TSPEAR: variants seen among roughly 807,000 people sequenced by gnomAD.
TSPEAR encodes thrombospondin type laminin G domain and EAR repeats.
Under a neutral mutation model 71.6 loss-of-function variants are expected in TSPEAR, and 69 were observed. The observed-to-expected ratio is 0.96, with a 90% CI of 0.79 to 1.18. TSPEAR has a LOEUF of 1.18. Among genes scored for constraint, TSPEAR ranks in the 50% most tolerant of loss-of-function variants. TSPEAR has a pLI of 0.00. For synonymous variants in TSPEAR, 402 were observed against 387.2 expected (o/e 1.04, Z -0.45); for missense variants, 971 against 894.9 (o/e 1.09, Z -1.09).
At chr21:44,665,641 A>G (rs1171462042) in intron 1 of TSPEAR, among the ~76,000 whole-genome samples, 1 of 152,230 alleles carries the variant, frequency 6.6e-6, no homozygotes, top group African/African-American at 2.4e-5. Flanking sequence ...GGCTGCCCCA[A>G]GAAGTTCTTG....
intron 1 of TSPEAR, among the ~76,000 whole-genome samples, chr21:44,703,936 C>T (rs1192038489): frequency 2.0e-5 from 3 of 152,186 alleles, no homozygotes; most frequent in African/African-American, 7.2e-5. Flanking sequence ...CCGGCTGGGA[C>T]TGAGAGGGGT....
chr21:44,579,060 G>C (rs185253878), intron 1 of TSPEAR, among the ~76,000 whole-genome samples: 8 of 152,170 alleles, frequency 5.3e-5, no homozygotes, highest in Non-Finnish European at 1.0e-4. Flanking sequence ...GCTGCTAAGC[G>C]GGCAGAACTC....
At chr21:44,693,022 T>C (rs1039930331) in intron 1 of TSPEAR, among the ~76,000 whole-genome samples, 1 of 152,094 alleles carries the variant, frequency 6.6e-6, no homozygotes, top group Non-Finnish European at 1.5e-5. Context: ...TATGGACCAA[T>C]AGAATAGAAC....
At chr21:44,602,988 A>G (rs1829790528) in intron 1 of TSPEAR, among the ~76,000 whole-genome samples, 2 of 152,044 alleles carry the variant, frequency 1.3e-5, no homozygotes, top group Admixed American at 6.6e-5. Flanking sequence ...CCAAGCAATG[A>G]CAATGCTGTC....
chr21:44,543,741 A>G (rs1280827395), intron 2 of TSPEAR, among the ~76,000 whole-genome samples: 1 of 152,188 alleles, frequency 6.6e-6, no homozygotes, highest in African/African-American at 2.4e-5. Flanking sequence ...GTGCCACCAG[A>G]AGCTAGAAGG....
intron 4 of TSPEAR, 38 bp from the exon 5 acceptor site, chr21:44,529,992 C>T (rs1269591118): frequency 1.3e-6 from 2 of 1,518,968 alleles, no homozygotes; most frequent in Non-Finnish European, 8.8e-7. Context: ...GCCCGCGCTG[C>T]TGGGGAAGGA....
At position 44,612,155 on chromosome 21, in the gene TSPEAR, G is replaced by A. The variant is rs782101894; in HGVS notation, c.83-44150C>T. The A allele has an allele frequency of 6.2e-6, 10 of 1,614,066 alleles. No individual in the cohort carries two copies. The highest frequency in any genetic ancestry group is 8.5e-6 in the Non-Finnish European group (10 of 1,179,992). On this transcript the variant is annotated intron_variant, in intron 1 of 11. Coordinates refer to ENST00000323084, the MANE Select transcript of TSPEAR (RefSeq NM_144991.3). This position sits in a 1 kb window ranked among gnomAD's most constrained non-coding sequence, Gnocchi z 4.1. ...TGTGATTGCTGCATCCACCATGTCT[G>A]TCTGCTCCAGTGACGTGGGCCATGT...
chr21:44,659,281 TCCTAAGCACAAGCACTGATGATACAC>T (rs149421045), intron 1 of TSPEAR, among the ~76,000 whole-genome samples: 67,970 of 136,788 alleles, frequency 0.5, 17,835 homozygotes, highest in South Asian at 0.57. Context: ...CCACCCCTCA[TCCTAAGCACAAGCACTGATGATACAC>T]CCTAAGCACA....
At chr21:44,529,344 G>A (rs868957057) in intron 5 of TSPEAR, among the ~76,000 whole-genome samples, 7 of 152,242 alleles carry the variant, frequency 4.6e-5, no homozygotes, top group African/African-American at 7.2e-5. Flanking sequence ...CCGGGGGATC[G>A]TGGAAGACGT....
Position 44,689,699 on chromosome 21 carries a change from A to G in TSPEAR, c.82+21734T>C, listed in dbSNP as rs188643975. Among the ~76,000 whole-genome samples, 1,098 of 122,482 alleles carry G rather than the reference A, an allele frequency of 9.0e-3. 35 individuals carry two copies. Among genetic ancestry groups the G allele is most frequent in the Non-Finnish European group, 0.015 (872 of 60,014 alleles). The allele number at this position is 122,482 out of a possible 152,430, so 80.4% of individuals were successfully genotyped here. A position where few individuals can be genotyped will look rare whatever the true frequency, so the allele number is the denominator to read the frequency against. The stretch of plus-strand genomic sequence containing the variant: ...AGTGTATTAGGGTTCCCTTAGAGGG[A>G]CAGAATAGAATGAATATATATATAT... On this transcript the variant is annotated intron_variant, in intron 1 of 11. Coordinates refer to ENST00000323084, the MANE Select transcript of TSPEAR (RefSeq NM_144991.3).
chr21:44,629,212 C>T (rs1983105765), intron 1 of TSPEAR, among the ~76,000 whole-genome samples: 1 of 152,198 alleles, frequency 6.6e-6, no homozygotes, highest in Admixed American at 6.5e-5. Flanking sequence ...CTCGGCCATA[C>T]CCTGTGGGCA....
chr21:44,508,611 G>A (rs2052264444), intron 10 of TSPEAR: 2 of 1,181,886 alleles, frequency 1.7e-6, no homozygotes, highest in Non-Finnish European at 1.1e-6. Flanking sequence ...TGTCCAAAAT[G>A]TGGTGCCCAC....
At chr21:44,653,268 C>T (rs2146253900) in intron 1 of TSPEAR, among the ~76,000 whole-genome samples, 1 of 152,284 alleles carries the variant, frequency 6.6e-6, no homozygotes, top group South Asian at 2.1e-4. Context: ...TGCTCCTGCC[C>T]CCAAACCCGG....
chr21:44,669,199 T>A (rs587720829), intron 1 of TSPEAR, among the ~76,000 whole-genome samples: 82 of 152,248 alleles, frequency 5.4e-4, no homozygotes, highest in Admixed American at 4.7e-3. Flanking sequence ...GCAAGGCGGC[T>A]GGATCATGAG....
chr21:44,532,225 G>C (rs2052987886), intron 3 of TSPEAR, among the ~76,000 whole-genome samples: 1 of 152,206 alleles, frequency 6.6e-6, no homozygotes, highest in Non-Finnish European at 1.5e-5. Context: ...AAACATTCGG[G>C]GAACATTCCT....
intron 2 of TSPEAR, among the ~76,000 whole-genome samples, chr21:44,545,972 T>A (rs919988344): frequency 1.3e-5 from 2 of 152,200 alleles, no homozygotes; most frequent in Non-Finnish European, 2.9e-5. Flanking sequence ...AAGTTGGTTC[T>A]TTAAGAAGAG....
At chr21:44,601,260 C>A in intron 1 of TSPEAR, 1 of 1,608,130 alleles carries the variant, frequency 6.2e-7, no homozygotes, top group Non-Finnish European at 8.5e-7. Flanking sequence ...AGCAGTCTAG[C>A]TGCAAGCCGG....
intron 1 of TSPEAR, among the ~76,000 whole-genome samples, chr21:44,590,360 G>T (rs898757643): frequency 2.0e-5 from 3 of 152,148 alleles, no homozygotes; most frequent in Non-Finnish European, 4.4e-5. Context: ...GGAGGCTGGG[G>T]GTGTGGGGAC....
chr21:44,521,871 G>T lies in TSPEAR; in HGVS notation c.1566+12C>A. The T allele has an allele frequency of 6.2e-7, 1 of 1,609,930 alleles. No individual in the cohort carries two copies. Among genetic ancestry groups the T allele is most frequent in the South Asian group, 1.1e-5 (1 of 90,986 alleles). On this transcript the variant is annotated intron_variant, in intron 9 of 11. Coordinates refer to ENST00000323084, the MANE Select transcript of TSPEAR (RefSeq NM_144991.3). ...AGCAATGGAGAGCCGGGGCTCATGC[G>T]GGGGGCCTTACCGGGAAGGACTGGA... is the stretch of plus-strand genomic sequence containing the variant.
Sources: allele counts gnomAD v4.1 joint callset (sites outside exome capture counted in the v4.1 genomes callset), GRCh38; gene constraint gnomAD v4.1.1; non-coding constraint Gnocchi (gnomAD v3.1); transcripts MANE v1.5; gene names NCBI Gene and HGNC (gene_info 2026-07-23, HGNC 2026-07-21).